The following TMEM182 variants were observed in gnomAD, a reference collection of about 807,000 sequenced individuals.
TMEM182 encodes transmembrane protein 182.
In TMEM182, 20 loss-of-function variants were observed where a neutral mutation model predicts 26.8. The observed-to-expected ratio is 0.75, with a 90% CI of 0.53 to 1.09. The LOEUF is 1.09. TMEM182 is among the 50% of genes least tolerant of loss of function. TMEM182 has a pLI of 0.00. For missense variants in TMEM182, 277 were observed against 275.5 expected, an observed-to-expected ratio of 1.01 and a Z score of -0.04; for synonymous variants, 109 against 102.2, an observed-to-expected ratio of 1.07 and a Z score of -0.40.
At chr2:102,743,551 T>G (rs1349037879) in intron 1 of TMEM182, among the ~76,000 whole-genome samples, 6 of 151,888 alleles carry the variant, frequency 4.0e-5, no homozygotes, top group African/African-American at 1.5e-4. Flanking sequence ...GAGCGGAAGA[T>G]TAAAGAAACA....
chr2:102,782,948 C>T (rs1330956717), intron 3 of TMEM182, among the ~76,000 whole-genome samples: 1 of 152,128 alleles, frequency 6.6e-6, no homozygotes, highest in Non-Finnish European at 1.5e-5. Flanking sequence ...TACCCAAGTT[C>T]ATTGCTTCAA....
upstream of TMEM182, among the ~76,000 whole-genome samples, chr2:102,761,159 A>T (rs914078590): frequency 5.3e-5 from 8 of 152,138 alleles, no homozygotes; most frequent in Non-Finnish European, 1.2e-4. Context: ...TTAGAAAAAT[A>T]CTCTCCTCTG....
intron 1 of TMEM182, among the ~76,000 whole-genome samples, chr2:102,741,071 C>G (rs1281266903): frequency 2.0e-5 from 3 of 152,130 alleles, no homozygotes; most frequent in Non-Finnish European, 2.9e-5. Context: ...TTAAAACAAA[C>G]ACACATAAAA....
At chr2:102,738,161 G>T (rs965244194) in intron 1 of TMEM182, among the ~76,000 whole-genome samples, 1 of 152,142 alleles carries the variant, frequency 6.6e-6, no homozygotes, top group Non-Finnish European at 1.5e-5. Context: ...TGGGAAAGGC[G>T]CCTTGAAAGG....
At chr2:102,761,619 C>T (rs936175300), upstream of TMEM182, among the ~76,000 whole-genome samples, 6 of 152,080 alleles carry the variant, frequency 3.9e-5, no homozygotes, top group Admixed American at 1.3e-4. Context: ...GTATTTTCTA[C>T]CACAAAAAAA....
At chr2:102,808,318 G>A (rs1009041148) in intron 4 of TMEM182, among the ~76,000 whole-genome samples, 8 of 152,094 alleles carry the variant, frequency 5.3e-5, no homozygotes, top group African/African-American at 1.7e-4. Context: ...ATAATTGAGC[G>A]CTATGGAATA....
rs553754326 is a variant in TMEM182 at position 102,762,328 on chromosome 2, G to T, written c.111G>T (p.Gly37=). The change falls in exon 1 of 5, where the codon GGG becomes GGT. Residue 37 remains glycine, a synonymous_variant. Coordinates refer to ENST00000412401, the MANE Select transcript of TMEM182 (RefSeq NM_144632.5). The stretch of plus-strand genomic sequence containing the variant: ...ATTGGCTTCTTGCAACTGAAGTGGG[G>T]AGATGTTCAGGTGAAAAGAATGTGA... ...SDYWLLATEV[G]RCSGEKNIEN... 6.2e-7 allele frequency: 1 copy of T among 1,613,918 alleles called. No homozygotes were observed. The highest frequency in any genetic ancestry group is 2.2e-5 in the East Asian group (1 of 44,844).
chr2:102,804,366 G>C (rs532427590), intron 4 of TMEM182, among the ~76,000 whole-genome samples: 2 of 151,730 alleles, frequency 1.3e-5, no homozygotes, highest in East Asian at 3.9e-4. Flanking sequence ...ATGCCTTTGC[G>C]TCCTCATAGC....
At chr2:102,764,041 A>C (rs1680322170) in intron 2 of TMEM182, among the ~76,000 whole-genome samples, 1 of 152,168 alleles carries the variant, frequency 6.6e-6, no homozygotes, top group South Asian at 2.1e-4. Flanking sequence ...AAAAGATGAA[A>C]TGTGGTACCT....
intron 3 of TMEM182, among the ~76,000 whole-genome samples, chr2:102,840,905 A>G (rs1683337320): frequency 6.6e-6 from 1 of 152,236 alleles, no homozygotes; most frequent in South Asian, 2.1e-4. Flanking sequence ...ATAAATTACT[A>G]TCCTGCCTAG....
intron 1 of TMEM182, among the ~76,000 whole-genome samples, chr2:102,752,769 T>C (rs1679912443): frequency 6.6e-6 from 1 of 152,228 alleles, no homozygotes; most frequent in Non-Finnish European, 1.5e-5. Context: ...ACATGTTTCC[T>C]GATAAAGAAG....
intron 3 of TMEM182, among the ~76,000 whole-genome samples, chr2:102,825,032 T>C (rs1367842151): frequency 6.6e-6 from 1 of 152,198 alleles, no homozygotes; most frequent in Non-Finnish European, 1.5e-5. Flanking sequence ...ATATTCCAAA[T>C]TGCTTTCATA....
chr2:102,739,461 G>A (rs934627136), intron 1 of TMEM182, among the ~76,000 whole-genome samples: 3 of 152,156 alleles, frequency 2.0e-5, no homozygotes, highest in Non-Finnish European at 4.4e-5. Context: ...GGGGCCTGGT[G>A]GGAGGTTATT....
intron 3 of TMEM182, among the ~76,000 whole-genome samples, chr2:102,786,709 TATCTC>T (rs1165024525): frequency 1.3e-5 from 2 of 152,232 alleles, no homozygotes; most frequent in African/African-American, 2.4e-5. Context: ...GGCCATTGAA[TATCTC>T]ATTAACCTTG....
At chr2:102,770,247 A>G (rs558881862) in intron 3 of TMEM182, among the ~76,000 whole-genome samples, 2 of 152,194 alleles carry the variant, frequency 1.3e-5, no homozygotes, top group Non-Finnish European at 2.9e-5. Flanking sequence ...CGCAGAATGA[A>G]TGGACATGAG....
chr2:102,750,549 A>C (rs995462225), intron 1 of TMEM182, among the ~76,000 whole-genome samples: 1 of 152,196 alleles, frequency 6.6e-6, no homozygotes, highest in South Asian at 2.1e-4. Context: ...TCCAAATGTC[A>C]GACAGTCAAA....
intron 1 of TMEM182, among the ~76,000 whole-genome samples, chr2:102,749,250 G>C (rs1366172433): frequency 6.6e-6 from 1 of 152,126 alleles, no homozygotes; most frequent in African/African-American, 2.4e-5. Context: ...AATAAGGAAT[G>C]AAGTAGTGAC....
At chr2:102,778,204 A>G (rs1681009048) in intron 3 of TMEM182, among the ~76,000 whole-genome samples, 1 of 151,814 alleles carries the variant, frequency 6.6e-6, no homozygotes, top group South Asian at 2.1e-4. Flanking sequence ...TTTTATACAT[A>G]CACATTTAGG....
chr2:102,843,795 G>A (rs1028238032), exon 4 of TMEM182: 3 of 152,190 alleles, frequency 2.0e-5, no homozygotes, highest in African/African-American at 7.2e-5. Context: ...TGGATGAAAT[G>A]CATACCTGCT....
Sources: gnomAD v4.1 joint callset for allele counts (sites outside exome capture counted in the v4.1 genomes callset) on GRCh38, gnomAD v4.1.1 for gene constraint, MANE v1.5 for transcripts, NCBI Gene and HGNC (gene_info 2026-07-23, HGNC 2026-07-21) for gene names.